Variants in ETFA observed in about 807,000 individuals in gnomAD.
The protein encoded by ETFA is electron transfer flavoprotein subunit alpha, mitochondrial.
In ETFA, 22 loss-of-function variants were observed where a neutral mutation model predicts 46.2. That is an observed-to-expected ratio of 0.48 (90% CI 0.34 to 0.68). The LOEUF is 0.68. Among genes scored for constraint, ETFA ranks in the 30% least tolerant of loss-of-function variants. ETFA has a pLI of 0.01. For missense variants in ETFA, 345 were observed against 401.1 expected (o/e 0.86, Z 1.19); for synonymous variants, 131 against 139.9 (o/e 0.94, Z 0.45).
chr15:76,232,087 T>C (rs1451566444), intron 9 of ETFA, among the ~76,000 whole-genome samples: 1 of 152,134 alleles, frequency 6.6e-6, no homozygotes, highest in East Asian at 1.9e-4. Flanking sequence ...TTCCAGAGCC[T>C]AACAAAAAGG....
chr15:76,300,793 T>C (rs1308080177), intron 1 of ETFA, among the ~76,000 whole-genome samples: 1 of 152,216 alleles, frequency 6.6e-6, no homozygotes, highest in East Asian at 1.9e-4. Flanking sequence ...TTATGCCTTA[T>C]TTTCAGATAC....
chr15:76,286,552 G>T (rs2039706710), intron 5 of ETFA, 71 bp from the exon 6 acceptor site: 3 of 906,160 alleles, frequency 3.3e-6, no homozygotes, highest in Admixed American at 3.9e-5. Context: ...TTGATGCTTG[G>T]AATTTACTTC....
At position 76,251,427 on chromosome 15, in the gene ETFA, T is replaced by C. The variant is rs535677435; in HGVS notation, c.817-20029A>G. 5.3e-5 allele frequency among the ~76,000 whole-genome samples: 8 copies of C among 152,270 alleles called. No homozygotes were observed. The South Asian group carries it at 1.5e-3, about 28-fold the overall frequency. On this transcript the variant is annotated intron_variant, in intron 9 of 11. Coordinates refer to ENST00000557943, the MANE Select transcript of ETFA (RefSeq NM_000126.4). ...GTTTCTGAGAGTAAGATAATGATAC[T>C]AAATAAGGGGTTTTAAAAGGGGTGA... is the stretch of plus-strand genomic sequence containing the variant.
chr15:76,292,406 G>C (rs4392021), intron 4 of ETFA, 25 bp downstream of exon 4: 11 of 1,512,122 alleles, frequency 7.3e-6, no homozygotes, highest in Non-Finnish European at 1.0e-5. Context: ...AGTGATATCA[G>C]ATTCCACATT....
chr15:76,258,469 AC>A (rs1280755278), intron 9 of ETFA, among the ~76,000 whole-genome samples: 1 of 152,170 alleles, frequency 6.6e-6, no homozygotes, highest in African/African-American at 2.4e-5. Flanking sequence ...GACCTGAGAT[AC>A]CCACCCCTTA....
At chr15:76,289,346 T>G (rs923323328) in intron 4 of ETFA, among the ~76,000 whole-genome samples, 1 of 152,230 alleles carries the variant, frequency 6.6e-6, no homozygotes, top group Non-Finnish European at 1.5e-5. Flanking sequence ...GAATTATTAC[T>G]GGAATAGTTA....
intron 9 of ETFA, among the ~76,000 whole-genome samples, chr15:76,272,070 T>C (rs1458190619): frequency 2.0e-5 from 3 of 152,172 alleles, no homozygotes; most frequent in African/African-American, 7.2e-5. Context: ...TATTGAATAA[T>C]GCTGATGGTA....
chr15:76,239,687 C>A (rs565924000), intron 9 of ETFA, among the ~76,000 whole-genome samples: 2 of 151,650 alleles, frequency 1.3e-5, no homozygotes, highest in African/African-American at 4.8e-5. Flanking sequence ...TAGCTGAAGT[C>A]ACCAGTCTGT....
intron 9 of ETFA, among the ~76,000 whole-genome samples, chr15:76,254,040 G>T (rs1384153017): frequency 6.6e-6 from 1 of 152,208 alleles, no homozygotes; most frequent in African/African-American, 2.4e-5. Flanking sequence ...GCAGAATCCT[G>T]TAAGGGAGGG....
chr15:76,256,220 T>C (rs1404600906), intron 9 of ETFA, among the ~76,000 whole-genome samples: 2 of 140,926 alleles, frequency 1.4e-5, no homozygotes, highest in African/African-American at 2.7e-5. Context: ...ATGGTGCCAC[T>C]GCACTCCAGC....
chr15:76,256,492 A>G (rs2039347038), intron 9 of ETFA, among the ~76,000 whole-genome samples: 2 of 152,324 alleles, frequency 1.3e-5, no homozygotes, highest in African/African-American at 4.8e-5. Flanking sequence ...AAAATCTGAC[A>G]GGCATTTGCA....
intron 11 of ETFA, among the ~76,000 whole-genome samples, chr15:76,225,544 C>A (rs2038995843): frequency 6.6e-6 from 1 of 152,190 alleles, no homozygotes; most frequent in Admixed American, 6.5e-5. Context: ...CCGCCTCCGC[C>A]TCCCAAAGTG....
intron 9 of ETFA, chr15:76,261,543 C>T (rs2141496129): frequency 1.6e-6 from 1 of 629,092 alleles, no homozygotes; most frequent in Non-Finnish European, 2.8e-6. Context: ...ACACTGTCAG[C>T]TTTGCCGGGA....
chr15:76,254,311 C>G (rs2039329238), intron 9 of ETFA, among the ~76,000 whole-genome samples: 1 of 152,176 alleles, frequency 6.6e-6, no homozygotes. Flanking sequence ...CTCTGGCTGA[C>G]CCCCGCATTA....
In ETFA at chr15:76,283,751, CTT is replaced by C. The variant is rs2039677811; in HGVS notation, c.733+4_733+5del. On this transcript the variant is annotated splice_donor_5th_base_variant and intron_variant, in intron 8 of 11. Coordinates refer to ENST00000557943, the MANE Select transcript of ETFA (RefSeq NM_000126.4). Reference sequence around the variant, plus strand: ...AATATCTTTCTACTAAGGAAAATAACTTTACCTGCAGCATGTAGTTGATCTGC... The same window carrying C: ...AATATCTTTCTACTAAGGAAAATAACTACCTGCAGCATGTAGTTGATCTGC... 1.3e-6 allele frequency: 2 copies of C among 1,572,332 alleles called. No individual in the cohort carries two copies. Among genetic ancestry groups the C allele is most frequent in the Non-Finnish European group, 1.8e-6 (2 of 1,142,522 alleles).
intron 1 of ETFA, among the ~76,000 whole-genome samples, chr15:76,311,100 A>C: frequency 6.6e-6 from 1 of 152,230 alleles, no homozygotes; most frequent in East Asian, 1.9e-4. Flanking sequence ...AAGAAGGGGC[A>C]GCAGACGCGC....
At chr15:76,260,816 CCT>C in intron 9 of ETFA, 2 of 1,608,276 alleles carry the variant, frequency 1.2e-6, no homozygotes, top group Non-Finnish European at 1.7e-6. Flanking sequence ...CACAGCACAC[CCT>C]GAGGCTGTAG....
chr15:76,261,231 A>G, intron 9 of ETFA: 1 of 1,566,000 alleles, frequency 6.4e-7, no homozygotes, highest in Non-Finnish European at 8.8e-7. Context: ...CAGCCTTGCA[A>G]GACAGTTGGA....
At chr15:76,260,810 G>A in intron 9 of ETFA, 1 of 1,607,206 alleles carries the variant, frequency 6.2e-7, no homozygotes, top group Non-Finnish European at 8.5e-7. Flanking sequence ...CATTGGCACA[G>A]CACACCCTGA....
Sources: gnomAD v4.1 joint callset for allele counts (sites outside exome capture counted in the v4.1 genomes callset) on GRCh38, gnomAD v4.1.1 for gene constraint, MANE v1.5 for transcripts, NCBI Gene and HGNC (gene_info 2026-07-23, HGNC 2026-07-21) for gene names.